Variants in PDZD2 observed in about 807,000 individuals in gnomAD.
The protein encoded by PDZD2 is PDZ domain containing 2, also known as PDZ domain-containing protein 2.
Under a neutral mutation model 220.7 loss-of-function variants are expected in PDZD2, and 90 were observed. The ratio of observed to expected loss-of-function variants is 0.41; its 90% confidence interval spans 0.34 to 0.49. The LOEUF (loss-of-function observed/expected upper bound fraction) is 0.49, where lower values mean the gene tolerates loss of function less well. Among genes scored for constraint, PDZD2 ranks in the 20% least tolerant of loss-of-function variants. PDZD2 has a pLI of 0.28. For missense variants in PDZD2, 3,174 were observed against 3,608.5 expected, an observed-to-expected ratio of 0.88 and a Z score of 3.08; for synonymous variants, 1,375 against 1,450.5, an observed-to-expected ratio of 0.95 and a Z score of 1.18.
Position 32,072,343 on chromosome 5 carries a change from T to C in PDZD2, c.2725+26T>C, listed in dbSNP as rs1212596116. The C allele has an allele frequency of 8.8e-6, 14 of 1,582,038 alleles. No homozygotes were observed. In the African/African-American group the frequency reaches 1.6e-4, roughly 18 times the overall value. ...GTAAGCAGGGGTGCCCCAGAGGGCCTGGGCTCTGCATTCCAGTCAGCAGTG... is the reference window on the plus strand; with the variant it reads ...GTAAGCAGGGGTGCCCCAGAGGGCCCGGGCTCTGCATTCCAGTCAGCAGTG... On this transcript the variant is annotated intron_variant, in intron 17 of 24. Coordinates refer to ENST00000438447, the MANE Select transcript of PDZD2 (RefSeq NM_178140.4).
chr5:31,960,165 G>T (rs1748076332), intron 2 of PDZD2, among the ~76,000 whole-genome samples: 1 of 151,682 alleles, frequency 6.6e-6, no homozygotes, highest in African/African-American at 2.4e-5. Context: ...ATGCTTGCTT[G>T]CTTTCTTTTC....
chr5:31,908,528 G>A lies in PDZD2; in HGVS notation c.477-74627G>A, dbSNP rs534134258. 3.7e-6 allele frequency: 4 copies of A among 1,076,970 alleles called. No individual in the cohort carries two copies. In the African/African-American group the frequency reaches 6.5e-5, roughly 17 times the overall value. The allele number at this position is 1,076,970 out of a possible 1,614,324, so 66.7% of individuals were successfully genotyped here. On this transcript the variant is annotated intron_variant, in intron 2 of 24. Transcript: ENST00000438447. ...AATGCCTCCGCTGAAGGCCCCGAGG[G>A]CGAGGGCACGGAAAGCACAGTAATG...
chr5:31,756,178 C>T (rs1031842837), intron 1 of PDZD2, among the ~76,000 whole-genome samples: 1 of 152,118 alleles, frequency 6.6e-6, no homozygotes, highest in African/African-American at 2.4e-5. Context: ...CCTCCAGGAC[C>T]CGGGGGTGCC....
chr5:31,918,548 A>G, intron 2 of PDZD2, among the ~76,000 whole-genome samples: 1 of 152,252 alleles, frequency 6.6e-6, no homozygotes, highest in African/African-American at 2.4e-5. Flanking sequence ...TGACTGTCTC[A>G]GGGATAACCT....
chr5:31,873,936 G>A (rs1739072119), intron 2 of PDZD2, among the ~76,000 whole-genome samples: 1 of 151,240 alleles, frequency 6.6e-6, no homozygotes, highest in Admixed American at 6.6e-5. Context: ...CTCTGTGTTG[G>A]TCAGACTGGT....
chr5:31,734,314 T>A (rs541090251), intron 1 of PDZD2, among the ~76,000 whole-genome samples: 1 of 152,146 alleles, frequency 6.6e-6, no homozygotes, highest in African/African-American at 2.4e-5. Context: ...ATTTTGTTGT[T>A]GTTGTTGTTT....
At chr5:31,862,050 T>C (rs1162954248) in intron 2 of PDZD2, among the ~76,000 whole-genome samples, 1 of 151,626 alleles carries the variant, frequency 6.6e-6, no homozygotes, top group Non-Finnish European at 1.5e-5. Flanking sequence ...TTATTGTGAA[T>C]GAACAACACA....
At chr5:31,921,468 G>C (rs1744247822) in intron 2 of PDZD2, among the ~76,000 whole-genome samples, 2 of 152,094 alleles carry the variant, frequency 1.3e-5, no homozygotes, top group Admixed American at 6.6e-5. Flanking sequence ...TGGATCACTT[G>C]AGCTTAGGAG....
intron 2 of PDZD2, chr5:31,923,435 C>A: frequency 1.7e-6 from 2 of 1,158,912 alleles, no homozygotes; most frequent in African/African-American, 1.5e-5. Context: ...AGTTTGCCAT[C>A]CACTTGGGCT....
chr5:31,757,591 C>CAAA (rs1356882448), intron 1 of PDZD2, among the ~76,000 whole-genome samples: 1 of 128,492 alleles, frequency 7.8e-6, no homozygotes, highest in Non-Finnish European at 1.7e-5. Flanking sequence ...GACTCTGCCT[C>CAAA]AAAAAAAAAA....
chr5:32,057,751 C>A, intron 11 of PDZD2, 23 bp downstream of exon 11: 1 of 1,495,650 alleles, frequency 6.7e-7, no homozygotes, highest in Non-Finnish European at 9.3e-7. Flanking sequence ...TTATTGATCT[C>A]CTTTATCCTA....
chr5:31,808,962 G>C (rs970884697), intron 2 of PDZD2, among the ~76,000 whole-genome samples: 2 of 150,378 alleles, frequency 1.3e-5, no homozygotes, highest in Non-Finnish European at 2.9e-5. Flanking sequence ...CTGGGCAACA[G>C]AGCAAGACTC....
intron 10 of PDZD2, among the ~76,000 whole-genome samples, chr5:32,054,866 G>A (rs1738955771): frequency 6.6e-6 from 1 of 152,110 alleles, no homozygotes; most frequent in African/African-American, 2.4e-5. Context: ...ATTTTGGAGT[G>A]ACCATCTTAG....
At chr5:31,950,498 G>A (rs1160168773) in intron 2 of PDZD2, among the ~76,000 whole-genome samples, 1 of 152,106 alleles carries the variant, frequency 6.6e-6, no homozygotes, top group African/African-American at 2.4e-5. Flanking sequence ...TTTGAGTTGA[G>A]TATTTTTTTA....
chr5:32,069,628 G>T lies in PDZD2; in HGVS notation c.2511G>T (p.Glu837Asp). ...GCAGCACTTATCAGGAGAGCAAAGA[G>T]GCCAATTCCTCTCCTGGCTTAGGTA... Reference protein sequence around the residue: ...IARSTYQESKEANSSPGLGTP... With the variant: ...IARSTYQESKDANSSPGLGTP... Residue 837 changes from glutamate to aspartate, a missense_variant, in exon 15 of 25, where the codon GAG becomes GAT. Physicochemically the swap from Glu to Asp is conservative, Grantham distance 45 (BLOSUM62 2). This residue lies in a region of PDZD2 where 1,861 missense variants were observed against 2,001.0 expected (regional missense o/e 0.93). Transcript: ENST00000438447. 1 of 1,566,720 alleles carries T rather than the reference G, an allele frequency of 6.4e-7. No individual in the cohort carries two copies. The highest frequency in any genetic ancestry group is 8.8e-7 in the Non-Finnish European group (1 of 1,136,714).
At chr5:31,921,596 A>C (rs1392420537) in intron 2 of PDZD2, among the ~76,000 whole-genome samples, 1 of 152,088 alleles carries the variant, frequency 6.6e-6, no homozygotes. Context: ...AGGCTGAGGC[A>C]GGAGGATCGC....
chr5:31,840,446 A>ATATATATATATT (rs1561499439), intron 2 of PDZD2: 1 of 69,134 alleles, frequency 1.4e-5, no homozygotes, highest in Non-Finnish European at 2.6e-5. Context: ...ATATATATAT[A>ATATATATATATT]TATTTGTTTA....
chr5:32,037,753 C>T (rs1301631870), intron 7 of PDZD2, among the ~76,000 whole-genome samples: 1 of 152,166 alleles, frequency 6.6e-6, no homozygotes, highest in Non-Finnish European at 1.5e-5. Context: ...CTTACGGCAG[C>T]TGGCCTGGGC....
intron 2 of PDZD2, among the ~76,000 whole-genome samples, chr5:31,940,953 C>T (rs1343431779): frequency 1.3e-5 from 2 of 151,882 alleles, no homozygotes; most frequent in East Asian, 3.9e-4. Flanking sequence ...ATCCCCATGC[C>T]CCCCCACCAA....
Sources: gnomAD v4.1 joint callset for allele counts (sites outside exome capture counted in the v4.1 genomes callset) on GRCh38, gnomAD v4.1.1 for gene constraint, gnomAD v4.1.1 regional missense constraint, MANE v1.5 for transcripts, NCBI Gene and HGNC (gene_info 2026-07-23, HGNC 2026-07-21) for gene names.